ZFPM2: variants seen among roughly 807,000 people sequenced by gnomAD.
ZFPM2 encodes zinc finger protein ZFPM2.
ZFPM2 carries 20 observed loss-of-function variants against 98.6 expected under a neutral mutation model. The observed-to-expected ratio is 0.20, with a 90% CI of 0.14 to 0.29. The LOEUF (loss-of-function observed/expected upper bound fraction) is 0.29, where lower values mean the gene tolerates loss of function less well. ZFPM2 is among the 10% of genes least tolerant of loss of function. The pLI is 1.00. For synonymous variants in ZFPM2, 518 were observed against 502.7 expected (o/e 1.03, Z -0.41); for missense variants, 1,310 against 1,388.6 (o/e 0.94, Z 0.90).
At chr8:105,336,688 C>CCTCACACA (rs1554595526) in intron 1 of ZFPM2, among the ~76,000 whole-genome samples, 2 of 142,154 alleles carry the variant, frequency 1.4e-5, no homozygotes, top group African/African-American at 5.1e-5. Context: ...GTAATATACT[C>CCTCACACA]CACACACACA....
intron 1 of ZFPM2, among the ~76,000 whole-genome samples, chr8:105,365,448 T>C (rs1810488400): frequency 6.6e-6 from 1 of 152,174 alleles, no homozygotes; most frequent in Non-Finnish European, 1.5e-5. Context: ...TTATCAGATA[T>C]TCAATTTCAA....
intron 2 of ZFPM2, among the ~76,000 whole-genome samples, chr8:105,423,035 A>G (rs1323252126): frequency 1.4e-5 from 2 of 144,030 alleles, no homozygotes; most frequent in South Asian, 2.2e-4. Context: ...GATATTATCT[A>G]TGTTCTTGCT....
chr8:105,524,388 A>G (rs554929723), intron 3 of ZFPM2, among the ~76,000 whole-genome samples: 2 of 152,162 alleles, frequency 1.3e-5, no homozygotes, highest in East Asian at 3.9e-4. Flanking sequence ...AACTATACTT[A>G]TCACTCCTTT....
chr8:105,333,417 T>A (rs1812269598), intron 1 of ZFPM2, among the ~76,000 whole-genome samples: 1 of 151,782 alleles, frequency 6.6e-6, no homozygotes, highest in South Asian at 2.1e-4. Flanking sequence ...TGGTAGTAGC[T>A]TTCCATTCAT....
Position 105,803,576 on chromosome 8 carries a change from A to AGTAT in ZFPM2, c.*41_*44dup. On this transcript the variant is annotated 3_prime_UTR_variant, in exon 8 of 8. Coordinates refer to ENST00000407775, the MANE Select transcript of ZFPM2 (RefSeq NM_012082.4). ...TCAGTCACCTTTGGTATCAGTGTTT[A>AGTAT]GTATGTTGTTCTAACCAGTCCAGAA... The AGTAT allele has an allele frequency of 6.4e-7, 1 of 1,564,292 alleles. No homozygotes were observed. Among genetic ancestry groups the AGTAT allele is most frequent in the South Asian group, 1.2e-5 (1 of 85,756 alleles).
chr8:105,472,864 C>CT (rs778988750), intron 3 of ZFPM2, among the ~76,000 whole-genome samples: 1 of 138,796 alleles, frequency 7.2e-6, no homozygotes, highest in Non-Finnish European at 1.6e-5. Context: ...TGGAATATGT[C>CT]TTTCCCCTCT....
chr8:105,800,184 T>G (rs1254832691), intron 7 of ZFPM2, among the ~76,000 whole-genome samples: 1 of 152,206 alleles, frequency 6.6e-6, no homozygotes, highest in Non-Finnish European at 1.5e-5. Flanking sequence ...ACTAGGTACC[T>G]CTGCCATGTT....
chr8:105,440,639 G>A (rs1200432838), intron 2 of ZFPM2, among the ~76,000 whole-genome samples: 1 of 152,164 alleles, frequency 6.6e-6, no homozygotes, highest in Non-Finnish European at 1.5e-5. Flanking sequence ...GCTCACCACA[G>A]TAGGAAGCTG....
At chr8:105,591,945 T>C (rs748082409) in intron 4 of ZFPM2, among the ~76,000 whole-genome samples, 37 of 152,292 alleles carry the variant, frequency 2.4e-4, no homozygotes, top group South Asian at 6.2e-4. Flanking sequence ...GTTTTGTTTG[T>C]TAATTGTGTA....
intron 3 of ZFPM2, among the ~76,000 whole-genome samples, chr8:105,487,790 A>G (rs1813259365): frequency 6.6e-6 from 1 of 152,164 alleles, no homozygotes; most frequent in African/African-American, 2.4e-5. Context: ...ATCATCTACT[A>G]CATTTGCCCA....
At position 105,445,324 on chromosome 8, in the gene ZFPM2, TACAC is replaced by T. The variant is rs1325046575; in HGVS notation, c.301+947_301+950del. Among the ~76,000 whole-genome samples the T allele has an allele frequency of 2.6e-5, 4 of 152,316 alleles. No individual in the cohort carries two copies. The East Asian group carries it at 7.7e-4, about 29-fold the overall frequency. ...ATGTCATTTCTAATGTTATTCATCA[TACAC>T]ACAAATGTTTGTATTCTGTATACTA... On this transcript the variant is annotated intron_variant, in intron 3 of 7. Transcript: ENST00000407775.
intron 3 of ZFPM2, among the ~76,000 whole-genome samples, chr8:105,521,953 G>A (rs959045182): frequency 8.5e-5 from 13 of 152,148 alleles, no homozygotes; most frequent in Admixed American, 5.2e-4. Flanking sequence ...TTATGTAAGT[G>A]CAATAATTAG....
chr8:105,591,977 T>G (rs555418689), intron 4 of ZFPM2, among the ~76,000 whole-genome samples: 4 of 152,274 alleles, frequency 2.6e-5, no homozygotes, highest in African/African-American at 9.6e-5. Flanking sequence ...TGGTAAACAT[T>G]TTCATTCTGT....
At chr8:105,353,530 C>A (rs1328686702) in intron 1 of ZFPM2, among the ~76,000 whole-genome samples, 2 of 152,144 alleles carry the variant, frequency 1.3e-5, no homozygotes, top group Non-Finnish European at 2.9e-5. Context: ...GTTTAATTTT[C>A]TTTTCTCCTT....
intron 3 of ZFPM2, among the ~76,000 whole-genome samples, chr8:105,522,391 T>C (rs1428453471): frequency 6.6e-6 from 1 of 152,226 alleles, no homozygotes; most frequent in African/African-American, 2.4e-5. Context: ...TAGAACATAA[T>C]ACATCTTTGA....
At chr8:105,799,748 C>G (rs1357859756) in intron 7 of ZFPM2, among the ~76,000 whole-genome samples, 1 of 152,090 alleles carries the variant, frequency 6.6e-6, no homozygotes, top group Non-Finnish European at 1.5e-5. Flanking sequence ...AAACTAGGGA[C>G]TGAGAATCAT....
At chr8:105,731,990 T>A (rs1811950564) in intron 5 of ZFPM2, among the ~76,000 whole-genome samples, 1 of 151,786 alleles carries the variant, frequency 6.6e-6, no homozygotes, top group African/African-American at 2.4e-5. Context: ...TAATAAGGTA[T>A]ACTAAATGAA....
intron 5 of ZFPM2, among the ~76,000 whole-genome samples, chr8:105,648,572 A>T (rs1817101736): frequency 6.6e-6 from 1 of 152,136 alleles, no homozygotes; most frequent in South Asian, 2.1e-4. Flanking sequence ...TAAGGAAAGG[A>T]TCCAGTTTCA....
At chr8:105,438,445 A>G (rs563023696) in intron 2 of ZFPM2, among the ~76,000 whole-genome samples, 9 of 152,368 alleles carry the variant, frequency 5.9e-5, no homozygotes, top group Admixed American at 1.3e-4. Context: ...GTGAACATTT[A>G]TCAATTGAAC....
Sources: allele counts gnomAD v4.1 joint callset (sites outside exome capture counted in the v4.1 genomes callset), GRCh38; gene constraint gnomAD v4.1.1; transcripts MANE v1.5; gene names NCBI Gene and HGNC (gene_info 2026-07-23, HGNC 2026-07-21).